Variants in MAGI2 observed in about 807,000 individuals in gnomAD.
The protein encoded by MAGI2 is membrane-associated guanylate kinase, WW and PDZ domain-containing protein 2.
MAGI2 carries 35 observed loss-of-function variants against 133.3 expected under a neutral mutation model. That is an observed-to-expected ratio of 0.26 (90% CI 0.20 to 0.35). MAGI2 has a LOEUF of 0.35. MAGI2 is among the 10% of genes least tolerant of loss of function. MAGI2 has a pLI of 1.00. For synonymous variants in MAGI2, 729 were observed against 710.6 expected, an observed-to-expected ratio of 1.03 and a Z score of -0.41; for missense variants, 1,636 against 1,863.4, an observed-to-expected ratio of 0.88 and a Z score of 2.25.
intron 3 of MAGI2, among the ~76,000 whole-genome samples, chr7:78,625,931 C>T (rs1014327472): frequency 2.6e-5 from 4 of 152,092 alleles, no homozygotes; most frequent in Admixed American, 2.6e-4. Flanking sequence ...TGTGTAGGTA[C>T]ATTCTATGAT....
At chr7:78,885,725 A>G (rs1049720050) in intron 2 of MAGI2, among the ~76,000 whole-genome samples, 1 of 151,652 alleles carries the variant, frequency 6.6e-6, no homozygotes, top group African/African-American at 2.4e-5. Context: ...TTAATTTACT[A>G]TAATATATTT....
intron 2 of MAGI2, among the ~76,000 whole-genome samples, chr7:78,898,875 T>C (rs951357823): frequency 2.1e-4 from 32 of 152,214 alleles, no homozygotes; most frequent in African/African-American, 7.5e-4. Flanking sequence ...CTTCTATTTT[T>C]ACTCTTCAGC....
intron 2 of MAGI2, among the ~76,000 whole-genome samples, chr7:78,841,541 C>G (rs574795972): frequency 1.2e-3 from 180 of 151,594 alleles, no homozygotes; most frequent in African/African-American, 4.1e-3. Context: ...CTCACACATC[C>G]CCTCTTGTAC....
intron 2 of MAGI2, chr7:78,947,049 G>T (rs993505236): frequency 6.6e-6 from 1 of 151,936 alleles, no homozygotes; most frequent in African/African-American, 2.4e-5. Flanking sequence ...GAAAAATTCT[G>T]GCCTGAATTA....
chr7:78,625,129 T>G (rs1459452365), intron 3 of MAGI2, among the ~76,000 whole-genome samples: 2 of 152,082 alleles, frequency 1.3e-5, no homozygotes, highest in African/African-American at 4.8e-5. Flanking sequence ...GTCTTAGTTT[T>G]TAACAAAAAA....
intron 16 of MAGI2, among the ~76,000 whole-genome samples, chr7:78,138,149 AC>A (rs879310755): frequency 1.3e-5 from 2 of 152,162 alleles, no homozygotes; most frequent in Non-Finnish European, 2.9e-5. Context: ...GCATCTCTTG[AC>A]TTTTCTGGCT....
intron 1 of MAGI2, among the ~76,000 whole-genome samples, chr7:79,272,002 T>C (rs75977264): frequency 3.0e-4 from 46 of 152,260 alleles, no homozygotes; most frequent in African/African-American, 1.1e-3. Context: ...TACTGCAGAG[T>C]AATTTAAACA....
chr7:78,892,032 C>T (rs1341404329), intron 2 of MAGI2, among the ~76,000 whole-genome samples: 1 of 152,176 alleles, frequency 6.6e-6, no homozygotes, highest in Non-Finnish European at 1.5e-5. Context: ...TCAGCAAATT[C>T]TCAGGATACA....
chr7:78,665,582 A>G (rs1421328842), intron 2 of MAGI2, among the ~76,000 whole-genome samples: 1 of 152,174 alleles, frequency 6.6e-6, no homozygotes, highest in Non-Finnish European at 1.5e-5. Flanking sequence ...GATTTGGATT[A>G]TTACTTGAAA....
intron 1 of MAGI2, among the ~76,000 whole-genome samples, chr7:79,129,665 AG>A (rs1820736828): frequency 6.6e-6 from 1 of 151,012 alleles, no homozygotes; most frequent in South Asian, 2.1e-4. Flanking sequence ...CGATGCTTGC[AG>A]AAAATAAGTC....
chr7:78,116,405 G>A (rs2150483053), intron 20 of MAGI2, among the ~76,000 whole-genome samples: 2 of 149,686 alleles, frequency 1.3e-5, no homozygotes, highest in South Asian at 2.1e-4. Flanking sequence ...AAGAATGGAT[G>A]GAATGAAATA....
At chr7:78,281,121 C>T (rs1795529223) in intron 9 of MAGI2, among the ~76,000 whole-genome samples, 1 of 152,098 alleles carries the variant, frequency 6.6e-6, no homozygotes, top group Non-Finnish European at 1.5e-5. Flanking sequence ...CTTCAGTCTA[C>T]ATTTTTAGTC....
Position 78,079,346 on chromosome 7 carries a change from A to G in MAGI2, c.3568-261T>C, listed in dbSNP as rs552562819. ...CTTATTATGTTACTTATTACTTATT[A>G]TGACAGAGACTGTAAACTAGTTAGC... On this transcript the variant is annotated intron_variant, in intron 20 of 21. Transcript: ENST00000354212. Among the ~76,000 whole-genome samples the G allele has an allele frequency of 7.8e-4, 118 of 152,254 alleles. 1 individual carries two copies. Among genetic ancestry groups the G allele is most frequent in the Non-Finnish European group, 1.5e-3 (100 of 68,050 alleles).
intron 2 of MAGI2, among the ~76,000 whole-genome samples, chr7:78,910,148 G>A (rs188572469): frequency 9.2e-5 from 14 of 152,050 alleles, no homozygotes; most frequent in Non-Finnish European, 1.3e-4. Flanking sequence ...GGTGGGTGGC[G>A]AGGGGAGGGA....
chr7:79,031,473 T>C (rs143021162), intron 1 of MAGI2, among the ~76,000 whole-genome samples: 3 of 152,292 alleles, frequency 2.0e-5, no homozygotes, highest in African/African-American at 7.2e-5. Flanking sequence ...TAATATCACA[T>C]TATGTCTCAA....
intron 1 of MAGI2, among the ~76,000 whole-genome samples, chr7:79,182,307 TGGAA>T (rs1377104236): frequency 6.6e-6 from 1 of 151,964 alleles, no homozygotes; most frequent in Non-Finnish European, 1.5e-5. Context: ...CTCACAATCA[TGGAA>T]GAAGGCAAGG....
chr7:78,740,220 G>A (rs1822281523), intron 2 of MAGI2, among the ~76,000 whole-genome samples: 1 of 151,146 alleles, frequency 6.6e-6, no homozygotes, highest in African/African-American at 2.4e-5. Context: ...TCTATTACTG[G>A]CCTTATTCTG....
intron 10 of MAGI2, among the ~76,000 whole-genome samples, chr7:78,225,078 CT>C (rs1185239123): frequency 1.3e-5 from 2 of 152,142 alleles, no homozygotes; most frequent in African/African-American, 4.8e-5. Context: ...CTTCTGCACA[CT>C]GCTTCCCTGG....
At chr7:79,334,500 G>C (rs868498115) in intron 1 of MAGI2, among the ~76,000 whole-genome samples, 12 of 152,092 alleles carry the variant, frequency 7.9e-5, no homozygotes, top group African/African-American at 2.9e-4. Context: ...GCAACATCTG[G>C]TACCACTGGA....
Sources: gnomAD v4.1 joint callset for allele counts (sites outside exome capture counted in the v4.1 genomes callset) on GRCh38, gnomAD v4.1.1 for gene constraint, MANE v1.5 for transcripts, NCBI Gene and HGNC (gene_info 2026-07-23, HGNC 2026-07-21) for gene names.